SGSM2: variants seen among roughly 807,000 people sequenced by gnomAD.
SGSM2 encodes the protein small G protein signaling modulator 2, also known as RUN and TBC1 domain containing 1.
Under a neutral mutation model 126.6 loss-of-function variants are expected in SGSM2, and 89 were observed. The observed-to-expected ratio is 0.70, with a 90% CI of 0.59 to 0.84. The LOEUF (loss-of-function observed/expected upper bound fraction) is 0.84. SGSM2 is among the 40% of genes least tolerant of loss of function. The probability of loss-of-function intolerance (pLI) is 0.00; values close to 1 mark genes in which losing one functional copy is unlikely to be tolerated. For missense variants in SGSM2, 1,404 were observed against 1,416.6 expected, an observed-to-expected ratio of 0.99 and a Z score of 0.14; for synonymous variants, 614 against 574.3, an observed-to-expected ratio of 1.07 and a Z score of -0.99.
At chr17:2,373,167 C>T in intron 16 of SGSM2, 86 bp downstream of exon 16, 1 of 1,570,634 alleles carries the variant, frequency 6.4e-7, no homozygotes, top group Non-Finnish European at 8.6e-7. Context: ...AGCCTCAGCC[C>T]CTTCCCAGCC....
intron 2 of SGSM2, among the ~76,000 whole-genome samples, chr17:2,351,670 A>T (rs1032767968): frequency 3.3e-5 from 5 of 152,024 alleles, no homozygotes; most frequent in African/African-American, 1.2e-4. Flanking sequence ...GCGATCTCTC[A>T]CTTCAGCCTC....
At position 2,367,398 on chromosome 17, in the gene SGSM2, G is replaced by T; in HGVS notation, c.1416G>T (p.Pro472=). 6.2e-7 allele frequency: 1 copy of T among 1,613,632 alleles called. No homozygotes were observed. The highest frequency in any genetic ancestry group is 8.5e-7 in the Non-Finnish European group (1 of 1,179,802). ...CGCGGAACCTCACAGCTCCCAATCC[G>T]ATGAAAGGTTCTTATCCCTCCCTCT... ...ICSRNLTAPN[P]MKDAGDMIEM... Residue 472 remains proline, a synonymous_variant, in exon 12 of 24, where the codon CCG becomes CCT. Transcript: ENST00000268989. This position sits in a 1 kb window ranked among gnomAD's most constrained non-coding sequence, Gnocchi z 4.0.
At chr17:2,358,892 T>TTG in intron 2 of SGSM2, among the ~76,000 whole-genome samples, 1 of 150,682 alleles carries the variant, frequency 6.6e-6, no homozygotes, top group Admixed American at 6.6e-5. Flanking sequence ...TTTTTTTTTT[T>TTG]TTGAGACAAA....
At chr17:2,374,603 T>A (rs1456993108) in intron 17 of SGSM2, 1 of 152,076 alleles carries the variant, frequency 6.6e-6, no homozygotes, top group African/African-American at 2.4e-5. Context: ...AAAAAAGAAA[T>A]AGAACAAACA....
At chr17:2,353,073 G>C (rs887746977) in intron 2 of SGSM2, among the ~76,000 whole-genome samples, 10 of 151,834 alleles carry the variant, frequency 6.6e-5, no homozygotes, top group Non-Finnish European at 7.4e-5. Context: ...CACCGCGCCC[G>C]GCCCACTGCT....
chr17:2,373,829 G>A (rs73296293), intron 17 of SGSM2: 5,403 of 339,440 alleles, frequency 0.016, 245 homozygotes, highest in African/African-American at 0.1. Flanking sequence ...AACAGGCAGC[G>A]CTGGGTTCTA....
intron 1 of SGSM2, among the ~76,000 whole-genome samples, chr17:2,339,065 A>C (rs1282562089): frequency 6.6e-6 from 1 of 151,640 alleles, no homozygotes; most frequent in Non-Finnish European, 1.5e-5. Flanking sequence ...TCTCAAAAAA[A>C]AAAAAGTTTA....
chr17:2,353,661 A>T (rs1250381941), intron 2 of SGSM2, among the ~76,000 whole-genome samples: 1 of 152,076 alleles, frequency 6.6e-6, no homozygotes, highest in Non-Finnish European at 1.5e-5. Flanking sequence ...GCTACTCAGC[A>T]GGCTGAGGTA....
intron 12 of SGSM2, among the ~76,000 whole-genome samples, chr17:2,370,387 C>T (rs866948975): frequency 2.0e-5 from 3 of 152,262 alleles, no homozygotes; most frequent in South Asian, 2.1e-4. Context: ...ATTCAGACCG[C>T]CTGGGCTGGC....
intron 2 of SGSM2, among the ~76,000 whole-genome samples, chr17:2,354,384 G>A (rs2065005081): frequency 6.6e-6 from 1 of 152,132 alleles, no homozygotes; most frequent in Admixed American, 6.5e-5. Context: ...TGTATTCTTT[G>A]TTCACACCTC....
At chr17:2,340,849 G>A (rs1298379270) in intron 1 of SGSM2, among the ~76,000 whole-genome samples, 1 of 152,218 alleles carries the variant, frequency 6.6e-6, no homozygotes, top group Non-Finnish European at 1.5e-5. Context: ...CTCCCAAAGT[G>A]CTGGGATTAT....
intron 2 of SGSM2, among the ~76,000 whole-genome samples, chr17:2,358,671 C>T (rs761154194): frequency 3.3e-5 from 5 of 151,854 alleles, no homozygotes; most frequent in Admixed American, 2.0e-4. Context: ...GTGGTTGCAC[C>T]GTTGCACGCC....
At position 2,379,258 on chromosome 17, in the gene SGSM2, A is replaced by C. The variant is rs771035811; in HGVS notation, c.3067+55A>C. On this transcript the variant is annotated intron_variant, in intron 23 of 23. Coordinates refer to ENST00000268989, the MANE Select transcript of SGSM2 (RefSeq NM_014853.3). Reference sequence around the variant, plus strand: ...CCTGAGCAGAGGTGTGGAGGCCCCCACCTCTGCCCCGCACACAGCTGGAGG... The same window carrying C: ...CCTGAGCAGAGGTGTGGAGGCCCCCCCCTCTGCCCCGCACACAGCTGGAGG... The C allele has an allele frequency of 1.9e-6, 3 of 1,597,050 alleles. No homozygotes were observed. The East Asian group carries it at 6.7e-5, about 36-fold the overall frequency.
Position 2,380,287 on chromosome 17 carries a change from T to C in SGSM2, c.*767T>C. The C allele has an allele frequency of 6.5e-7, 1 of 1,535,946 alleles. No homozygotes were observed. Among genetic ancestry groups the C allele is most frequent in the Non-Finnish European group, 8.7e-7 (1 of 1,146,874 alleles). On this transcript the variant is annotated 3_prime_UTR_variant, in exon 24 of 24. Coordinates refer to ENST00000268989, the MANE Select transcript of SGSM2 (RefSeq NM_014853.3). ...TAGGTACTTCCCTGAAAACCACGTGTAAGAAGTGATGCTTTTGCCAGTGGA... is the reference window on the plus strand; with the variant it reads ...TAGGTACTTCCCTGAAAACCACGTGCAAGAAGTGATGCTTTTGCCAGTGGA...
Position 2,368,217 on chromosome 17 carries a change from C to T in SGSM2, c.1423+812C>T, listed in dbSNP as rs112700456. On this transcript the variant is annotated intron_variant, in intron 12 of 23. Coordinates refer to ENST00000268989, the MANE Select transcript of SGSM2 (RefSeq NM_014853.3). ...GAGGTGATAGCGTAGTGCCCTCAGC[C>T]TCTCAGGGTTCCTCTGCCTACCACC... Among the ~76,000 whole-genome samples the T allele has an allele frequency of 7.7e-3, 1,167 of 152,284 alleles. 17 individuals carry two copies. Among genetic ancestry groups the T allele is most frequent in the African/African-American group, 0.027 (1,122 of 41,542 alleles).
chr17:2,340,901 A>C (rs1178290572), intron 1 of SGSM2, among the ~76,000 whole-genome samples: 9 of 152,066 alleles, frequency 5.9e-5, no homozygotes, highest in Non-Finnish European at 1.3e-4. Flanking sequence ...TAATTTCTAC[A>C]GAAACATCCT....
At chr17:2,364,843 G>A in intron 9 of SGSM2, 54 bp from the exon 10 acceptor site, 1 of 1,594,166 alleles carries the variant, frequency 6.3e-7, no homozygotes, top group East Asian at 2.2e-5. Flanking sequence ...CTGGCCAGCA[G>A]GGTGTGATAG....
intron 2 of SGSM2, among the ~76,000 whole-genome samples, chr17:2,349,081 G>C (rs1476818419): frequency 3.3e-5 from 5 of 150,782 alleles, no homozygotes; most frequent in African/African-American, 4.9e-5. Context: ...CTTTGTTTTT[G>C]AAAGGGAGCA....
At chr17:2,358,873 G>GTTTTTGTT (rs1567817339) in intron 2 of SGSM2, among the ~76,000 whole-genome samples, 2 of 88,210 alleles carry the variant, frequency 2.3e-5, no homozygotes, top group African/African-American at 9.3e-5. Flanking sequence ...TGTTGTTGTT[G>GTTTTTGTT]TTTTTTTTTT....
Sources: gnomAD v4.1 joint callset for allele counts (sites outside exome capture counted in the v4.1 genomes callset) on GRCh38, gnomAD v4.1.1 for gene constraint, Gnocchi (gnomAD v3.1) non-coding constraint, MANE v1.5 for transcripts, NCBI Gene and HGNC (gene_info 2026-07-23, HGNC 2026-07-21) for gene names.